AK8: variants seen among roughly 807,000 people sequenced by gnomAD.
AK8 encodes the protein ATP-AMP transphosphorylase 8.
Under a neutral mutation model 54.6 loss-of-function variants are expected in AK8, and 44 were observed. The observed-to-expected ratio is 0.81, with a 90% CI of 0.63 to 1.04. The LOEUF (loss-of-function observed/expected upper bound fraction) is 1.04, where lower values mean the gene tolerates loss of function less well. Among genes scored for constraint, AK8 ranks in the 50% least tolerant of loss-of-function variants. AK8 has a pLI of 0.00. For missense variants in AK8, 555 were observed against 613.6 expected, an observed-to-expected ratio of 0.90 and a Z score of 1.01; for synonymous variants, 239 against 245.6, an observed-to-expected ratio of 0.97 and a Z score of 0.25.
chr9:132,800,168 T>C (rs1840374830), intron 10 of AK8, among the ~76,000 whole-genome samples: 1 of 152,072 alleles, frequency 6.6e-6, no homozygotes, highest in South Asian at 2.1e-4. Context: ...AGGCCATCAC[T>C]CTCGGGATGG....
intron 2 of AK8, among the ~76,000 whole-genome samples, chr9:132,871,547 ACTCCCTGAGAG>A (rs1843832069): frequency 6.6e-6 from 1 of 151,968 alleles, no homozygotes; most frequent in African/African-American, 2.4e-5. Context: ...CAGTGACTCG[ACTCCCTGAGAG>A]CATCCGGGCA....
intron 10 of AK8, among the ~76,000 whole-genome samples, chr9:132,804,240 C>A (rs114444489): frequency 0.023 from 3,522 of 152,210 alleles, 156 homozygotes; most frequent in African/African-American, 0.08. Context: ...ACCACAGGGA[C>A]CCAGGTCAAC....
chr9:132,878,009 CCCCCT>C lies in AK8; in HGVS notation c.84+158_84+162del. ...ACCAGGAGCGTCCCCAGCTCGAGGG[CCCCCT>C]CGGGGTCACGGCGACACACGAATCG... On this transcript the variant is annotated intron_variant, in intron 1 of 12. Coordinates refer to ENST00000298545, the MANE Select transcript of AK8 (RefSeq NM_152572.3). The surrounding 1 kb of genome is among the most constrained non-coding windows in gnomAD (Gnocchi z 4.7). 2.0e-6 allele frequency: 3 copies of C among 1,512,676 alleles called. No homozygotes were observed. The highest frequency in any genetic ancestry group is 2.7e-6 in the Non-Finnish European group (3 of 1,118,718). The allele number at this position is 1,512,676 out of a possible 1,614,324, so 93.7% of individuals were successfully genotyped here. A position where few individuals can be genotyped will look rare whatever the true frequency, so the allele number is the denominator to read the frequency against.
In AK8 at chr9:132,757,898, T is replaced by C. The variant is rs148161008; in HGVS notation, c.1122-30364A>G. Among the ~76,000 whole-genome samples the C allele has an allele frequency of 5.3e-4, 80 of 152,318 alleles. 1 individual carries two copies. Among genetic ancestry groups the C allele is most frequent in the African/African-American group, 1.9e-3 (78 of 41,568 alleles). On this transcript the variant is annotated intron_variant, in intron 11 of 12. Transcript: ENST00000298545. Reference sequence around the variant, plus strand: ...CCCTAAACCTTAAGTTTCATGATGATAAACACTTCCACAGCTTGAGCACGA... The same window carrying C: ...CCCTAAACCTTAAGTTTCATGATGACAAACACTTCCACAGCTTGAGCACGA...
chr9:132,860,556 G>A lies in AK8; in HGVS notation c.333+3109C>T, dbSNP rs139912585. Among the ~76,000 whole-genome samples the A allele has an allele frequency of 3.9e-5, 6 of 152,342 alleles. No homozygotes were observed. The highest frequency in any genetic ancestry group is 1.4e-4 in the African/African-American group (6 of 41,576). On this transcript the variant is annotated intron_variant, in intron 4 of 12. Transcript: ENST00000298545. This position sits in a 1 kb window ranked among gnomAD's most constrained non-coding sequence, Gnocchi z 4.4. Reference sequence around the variant, plus strand: ...AGGCTGCTGCTGGGGAGCTGGAGGTGTCTCTCTAGAGGTGGGCATTCTACA... The same window carrying A: ...AGGCTGCTGCTGGGGAGCTGGAGGTATCTCTCTAGAGGTGGGCATTCTACA...
rs1165147985 is a variant in AK8, at chr9:132,826,254, G to A, written c.757+600C>T. Among the ~76,000 whole-genome samples the A allele has an allele frequency of 6.6e-6, 1 of 152,196 alleles. No individual in the cohort carries two copies. Among genetic ancestry groups the A allele is most frequent in the African/African-American group, 2.4e-5 (1 of 41,444 alleles). On this transcript the variant is annotated intron_variant, in intron 8 of 12. Transcript: ENST00000298545. This position sits in a 1 kb window ranked among gnomAD's most constrained non-coding sequence, Gnocchi z 4.5. ...GTGCCAGAGGCTGCACAGCTGGGCTGCGTCGGGGCTGAGATTTGAACAGGT... is the reference window on the plus strand; with the variant it reads ...GTGCCAGAGGCTGCACAGCTGGGCTACGTCGGGGCTGAGATTTGAACAGGT...
chr9:132,878,378 C>G (rs1458025582), upstream of AK8: 20 of 1,246,902 alleles, frequency 1.6e-5, no homozygotes, highest in African/African-American at 1.4e-4. The surrounding 1 kb of genome is among the most constrained non-coding windows in gnomAD (Gnocchi z 4.7). Flanking sequence ...ATACCCGATC[C>G]TCGGTCGCGC....
chr9:132,800,442 C>T (rs1840389392), intron 10 of AK8, among the ~76,000 whole-genome samples: 1 of 152,152 alleles, frequency 6.6e-6, no homozygotes. Flanking sequence ...TTCCATCGGC[C>T]GCACCCTGCA....
rs764342264 is a variant in AK8 at position 132,725,876 on chromosome 9, G to C, written c.1252C>G (p.Leu418Val). 5 of 1,611,556 alleles carry C rather than the reference G, an allele frequency of 3.1e-6. No homozygotes were observed. The highest frequency in any genetic ancestry group is 3.4e-6 in the Non-Finnish European group (4 of 1,179,520). The stretch of plus-strand genomic sequence containing the variant: ...TCAGCATCCTTTGGGTTCTGCAGGA[G>C]GCGAGCCTGGATCTCCATGGTGGGA... Reference protein sequence around the residue: ...PPPTMEIQARLLQNPKDAEEQ... With the variant: ...PPPTMEIQARVLQNPKDAEEQ... Residue 418 changes from leucine to valine, a missense_variant, in exon 13 of 13, where the codon CTC becomes GTC. By Grantham distance (32) the Leu-to-Val change is conservative. Coordinates refer to ENST00000298545, the MANE Select transcript of AK8 (RefSeq NM_152572.3).
At chr9:132,788,629 CAG>C (rs1231570392) in intron 11 of AK8, among the ~76,000 whole-genome samples, 3 of 151,982 alleles carry the variant, frequency 2.0e-5, no homozygotes, top group African/African-American at 7.3e-5. Context: ...TATTTAAAGA[CAG>C]GGGAAAGGGG....
chr9:132,797,050 G>A (rs1205819206), intron 10 of AK8, among the ~76,000 whole-genome samples: 1 of 152,136 alleles, frequency 6.6e-6, no homozygotes, highest in Non-Finnish European at 1.5e-5. Flanking sequence ...TTCCCACTTT[G>A]AGCCAAAACC....
chr9:132,825,027 G>A (rs913023148), intron 8 of AK8, among the ~76,000 whole-genome samples: 4 of 152,192 alleles, frequency 2.6e-5, no homozygotes, highest in African/African-American at 4.8e-5. Flanking sequence ...CCTCCACTGA[G>A]AGAAGCCCAA....
intron 11 of AK8, among the ~76,000 whole-genome samples, chr9:132,780,713 T>G (rs1259102906): frequency 6.6e-6 from 1 of 152,210 alleles, no homozygotes; most frequent in African/African-American, 2.4e-5. Flanking sequence ...GAAATCTCAT[T>G]CTTGGGTGGT....
intron 11 of AK8, among the ~76,000 whole-genome samples, chr9:132,740,715 C>T (rs1479083754): frequency 3.3e-5 from 5 of 152,130 alleles, no homozygotes. Flanking sequence ...CTGAGCACCC[C>T]CCCGCCCCAC....
At chr9:132,775,364 G>A (rs895485233) in intron 11 of AK8, among the ~76,000 whole-genome samples, 9 of 151,902 alleles carry the variant, frequency 5.9e-5, no homozygotes, top group Admixed American at 3.9e-4. Context: ...GTGCAGTGGC[G>A]CAACCTTGGC....
intron 9 of AK8, among the ~76,000 whole-genome samples, chr9:132,817,764 G>A (rs962460769): frequency 1.3e-5 from 2 of 152,206 alleles, no homozygotes; most frequent in African/African-American, 2.4e-5. Context: ...ATGTGGAACT[G>A]TAGTTCCAGA....
At chr9:132,856,357 C>T (rs1266547655) in intron 4 of AK8, among the ~76,000 whole-genome samples, 2 of 152,218 alleles carry the variant, frequency 1.3e-5, no homozygotes, top group East Asian at 1.9e-4. Flanking sequence ...GCCAGCTGGG[C>T]GACCCTGGGC....
chr9:132,763,856 G>A (rs1422247850), intron 11 of AK8, among the ~76,000 whole-genome samples: 1 of 152,148 alleles, frequency 6.6e-6, no homozygotes, highest in East Asian at 1.9e-4. Context: ...ACAGGGTACA[G>A]CAAATGCAGT....
Position 132,823,335 on chromosome 9 carries a change from A to T in AK8, c.759T>A (p.Ala253=). Residue 253 remains alanine, a splice_region_variant and synonymous_variant, in exon 9 of 13, where the codon GCT becomes GCA. Transcript: ENST00000298545. Reference sequence around the variant, plus strand: ...GATGGTTGCTTTGGACATAGGTCAGAGCTGGAAAGAGAGGATATGAGGATA... The same window carrying T: ...GATGGTTGCTTTGGACATAGGTCAGTGCTGGAAAGAGAGGATATGAGGATA... ...DQPCVDVFYQ[A]LTYVQSNHRT... 1.9e-6 allele frequency: 3 copies of T among 1,613,930 alleles called. No individual in the cohort carries two copies. Among genetic ancestry groups the T allele is most frequent in the Non-Finnish European group, 8.5e-7 (1 of 1,179,870 alleles).
Sources: gnomAD v4.1 joint callset for allele counts (sites outside exome capture counted in the v4.1 genomes callset) on GRCh38, gnomAD v4.1.1 for gene constraint, Gnocchi (gnomAD v3.1) non-coding constraint, MANE v1.5 for transcripts, NCBI Gene and HGNC (gene_info 2026-07-23, HGNC 2026-07-21) for gene names.